Variants in SLC2A13 observed in about 807,000 individuals in gnomAD.
SLC2A13 encodes the protein proton myo-inositol cotransporter.
In SLC2A13, 32 loss-of-function variants were observed where a neutral mutation model predicts 64.4. That is an observed-to-expected ratio of 0.50 (90% CI 0.37 to 0.67). The LOEUF is 0.67. Among genes scored for constraint, SLC2A13 ranks in the 30% least tolerant of loss-of-function variants. The pLI is 0.00. For synonymous variants in SLC2A13, 338 were observed against 327.1 expected, an observed-to-expected ratio of 1.03 and a Z score of -0.36; for missense variants, 743 against 829.2, an observed-to-expected ratio of 0.90 and a Z score of 1.28.
chr12:39,934,724 T>C (rs1380436032), intron 4 of SLC2A13, among the ~76,000 whole-genome samples: 1 of 152,254 alleles, frequency 6.6e-6, no homozygotes, highest in African/African-American at 2.4e-5. Context: ...ATCTACTTTA[T>C]ACATTTTCTA....
intron 1 of SLC2A13, among the ~76,000 whole-genome samples, chr12:40,102,183 T>C (rs1939173330): frequency 6.6e-6 from 1 of 152,242 alleles, no homozygotes; most frequent in Admixed American, 6.5e-5. Context: ...TGTTTATGTA[T>C]CTTTCTACTC....
At chr12:39,981,155 T>C (rs1023173797) in intron 3 of SLC2A13, among the ~76,000 whole-genome samples, 3 of 150,502 alleles carry the variant, frequency 2.0e-5, no homozygotes, top group African/African-American at 4.9e-5. Flanking sequence ...TATCAGAATC[T>C]CTGGGATGCA....
At chr12:39,907,125 A>G (rs1390466631) in intron 4 of SLC2A13, among the ~76,000 whole-genome samples, 1 of 152,172 alleles carries the variant, frequency 6.6e-6, no homozygotes, top group Non-Finnish European at 1.5e-5. Context: ...TAGTTACTAC[A>G]TTTTAGTAAT....
chr12:39,963,951 C>T (rs779157572), intron 3 of SLC2A13, among the ~76,000 whole-genome samples: 4 of 152,076 alleles, frequency 2.6e-5, no homozygotes, highest in Non-Finnish European at 5.9e-5. Context: ...TTCAATGGCC[C>T]ATGATCTTAT....
At chr12:39,949,056 T>G (rs1232378163) in intron 4 of SLC2A13, among the ~76,000 whole-genome samples, 1 of 151,852 alleles carries the variant, frequency 6.6e-6, no homozygotes, top group Non-Finnish European at 1.5e-5. Context: ...TACATGAGAG[T>G]CCCAGATTAG....
At chr12:40,038,996 T>C (rs1055254196) in intron 2 of SLC2A13, among the ~76,000 whole-genome samples, 1 of 152,154 alleles carries the variant, frequency 6.6e-6, no homozygotes, top group African/African-American at 2.4e-5. Context: ...TGTGGTAAAA[T>C]ATAAATAAAA....
At chr12:39,941,816 T>C (rs1039940145) in intron 4 of SLC2A13, among the ~76,000 whole-genome samples, 2 of 152,212 alleles carry the variant, frequency 1.3e-5, no homozygotes, top group African/African-American at 4.8e-5. Flanking sequence ...TCTTCCAATG[T>C]TATCTTCTAG....
intron 1 of SLC2A13, among the ~76,000 whole-genome samples, chr12:40,082,930 G>A (rs748276867): frequency 4.6e-5 from 7 of 152,064 alleles, no homozygotes; most frequent in Non-Finnish European, 7.4e-5. Context: ...ACTTCAGCCC[G>A]GGGTCTGTAT....
In SLC2A13 at chr12:40,105,201, C is replaced by A. The variant is rs1448747732; in HGVS notation, c.556+52G>T. 6.7e-7 allele frequency: 1 copy of A among 1,487,934 alleles called. No homozygotes were observed. The highest frequency in any genetic ancestry group is 2.2e-5 in the Admixed American group (1 of 44,850). The allele number at this position is 1,487,934 out of a possible 1,614,324, so 92.2% of individuals were successfully genotyped here. On this transcript the variant is annotated intron_variant, in intron 1 of 9. Coordinates refer to ENST00000280871, the MANE Select transcript of SLC2A13 (RefSeq NM_052885.4). This position sits in a 1 kb window ranked among gnomAD's most constrained non-coding sequence, Gnocchi z 4.2. ...GCAAGAGGCACGCAACACCCAGGGT[C>A]AAGGGCGGTGACAATGGGATCCCGG...
At chr12:40,091,641 A>T (rs1565623961) in intron 1 of SLC2A13, among the ~76,000 whole-genome samples, 1 of 152,190 alleles carries the variant, frequency 6.6e-6, no homozygotes, top group Non-Finnish European at 1.5e-5. Context: ...TTCTCTCCTT[A>T]ACCAGAAACT....
intron 4 of SLC2A13, among the ~76,000 whole-genome samples, chr12:39,897,806 T>C (rs1041263236): frequency 6.6e-6 from 1 of 152,166 alleles, no homozygotes; most frequent in Admixed American, 6.6e-5. Context: ...CTTACATTTG[T>C]TTGAAGACTT....
intron 3 of SLC2A13, among the ~76,000 whole-genome samples, chr12:40,019,943 G>T (rs1947684846): frequency 6.6e-6 from 1 of 152,262 alleles, no homozygotes; most frequent in East Asian, 1.9e-4. Context: ...AACGTTTCAA[G>T]AAATAATAGG....
intron 7 of SLC2A13, among the ~76,000 whole-genome samples, chr12:39,771,148 G>T (rs1200043900): frequency 6.6e-6 from 1 of 152,130 alleles, no homozygotes; most frequent in Non-Finnish European, 1.5e-5. Flanking sequence ...CCGAGTGTGT[G>T]TCCCATCACC....
At chr12:39,839,335 T>A (rs903062277) in intron 6 of SLC2A13, among the ~76,000 whole-genome samples, 6 of 152,044 alleles carry the variant, frequency 3.9e-5, no homozygotes, top group African/African-American at 1.4e-4. Flanking sequence ...TCTCCCTGTT[T>A]AACCATGTAA....
intron 7 of SLC2A13, among the ~76,000 whole-genome samples, chr12:39,814,270 A>C (rs1942276694): frequency 6.6e-6 from 1 of 152,228 alleles, no homozygotes. Flanking sequence ...AGCAAGTGTA[A>C]TAGCTTAGGA....
intron 6 of SLC2A13, among the ~76,000 whole-genome samples, chr12:39,856,144 A>C (rs955788631): frequency 6.6e-6 from 1 of 152,200 alleles, no homozygotes; most frequent in Non-Finnish European, 1.5e-5. Flanking sequence ...CATATACCTA[A>C]GTTCCAGGAT....
At chr12:39,947,971 G>A (rs1469986694) in intron 4 of SLC2A13, among the ~76,000 whole-genome samples, 1 of 151,938 alleles carries the variant, frequency 6.6e-6, no homozygotes, top group African/African-American at 2.4e-5. Context: ...AGAATTTCTT[G>A]AATTTACTTT....
At chr12:39,999,639 C>T (rs754542191) in intron 3 of SLC2A13, among the ~76,000 whole-genome samples, 14 of 152,282 alleles carry the variant, frequency 9.2e-5, no homozygotes, top group South Asian at 4.2e-4. Flanking sequence ...ATACGTGCAC[C>T]GCTGAACATA....
At chr12:39,945,795 C>A (rs1217060743) in intron 4 of SLC2A13, among the ~76,000 whole-genome samples, 1 of 152,014 alleles carries the variant, frequency 6.6e-6, no homozygotes, top group Non-Finnish European at 1.5e-5. Context: ...GGGCTTTGCT[C>A]TTCTCTGGTC....
Sources: allele counts gnomAD v4.1 joint callset (sites outside exome capture counted in the v4.1 genomes callset), GRCh38; gene constraint gnomAD v4.1.1; non-coding constraint Gnocchi (gnomAD v3.1); transcripts MANE v1.5; gene names NCBI Gene and HGNC (gene_info 2026-07-23, HGNC 2026-07-21).